The following VWC2L variants were observed in gnomAD, a reference collection of about 807,000 sequenced individuals.
VWC2L encodes von Willebrand factor C domain containing 2 like.
In VWC2L, 10 loss-of-function variants were observed where a neutral mutation model predicts 21.6. The observed-to-expected ratio is 0.46, with a 90% confidence interval of 0.29 to 0.78. The LOEUF (loss-of-function observed/expected upper bound fraction) is 0.78. Ranked by LOEUF, VWC2L falls within the 30% of genes least tolerant of loss-of-function variation. The probability of loss-of-function intolerance (pLI) is 0.10; values close to 1 mark genes in which losing one functional copy is unlikely to be tolerated. For synonymous variants in VWC2L, 96 were observed against 94.3 expected, an observed-to-expected ratio of 1.02 and a Z score of -0.10; for missense variants, 209 against 277.1, an observed-to-expected ratio of 0.75 and a Z score of 1.74.
chr2:214,414,589 C>T lies in VWC2L; in HGVS notation c.390+6C>T, dbSNP rs772972126. 64 of 1,609,080 alleles carry T rather than the reference C, an allele frequency of 4.0e-5. No homozygotes were observed. In the Admixed American group the frequency reaches 4.6e-4, roughly 12 times the overall value. On this transcript the variant is annotated splice_donor_region_variant and intron_variant, in intron 2 of 3. Transcript: ENST00000312504. ...AAATCTTGGAGGAATTTAAGGTATG[C>T]GTTACCCTCCATATTTATTGAAATA...
At chr2:214,513,922 G>A (rs1312532281) in intron 3 of VWC2L, among the ~76,000 whole-genome samples, 1 of 152,072 alleles carries the variant, frequency 6.6e-6, no homozygotes, top group Non-Finnish European at 1.5e-5. Flanking sequence ...CAGTGGCATG[G>A]CATCCTCAGT....
chr2:214,511,278 A>T (rs894214615), intron 3 of VWC2L, among the ~76,000 whole-genome samples: 2 of 152,164 alleles, frequency 1.3e-5, no homozygotes, highest in African/African-American at 2.4e-5. Context: ...AAAGAAAAAA[A>T]AATTGTTAAA....
chr2:214,428,183 G>A (rs184654878), intron 2 of VWC2L, among the ~76,000 whole-genome samples: 1 of 152,240 alleles, frequency 6.6e-6, no homozygotes, highest in African/African-American at 2.4e-5. Context: ...ATCCCACATC[G>A]TTTACATGTG....
At chr2:214,423,598 CAG>C (rs1172602343) in intron 2 of VWC2L, among the ~76,000 whole-genome samples, 3 of 152,088 alleles carry the variant, frequency 2.0e-5, no homozygotes, top group Non-Finnish European at 2.9e-5. Context: ...CATGACAACA[CAG>C]AGTTACAAGT....
chr2:214,472,704 C>T (rs1157775863), intron 3 of VWC2L, among the ~76,000 whole-genome samples: 1 of 152,180 alleles, frequency 6.6e-6, no homozygotes, highest in Non-Finnish European at 1.5e-5. Flanking sequence ...GATGAGATTG[C>T]CATTGGCACC....
chr2:214,508,488 T>C (rs1689002177), intron 3 of VWC2L, among the ~76,000 whole-genome samples: 1 of 152,228 alleles, frequency 6.6e-6, no homozygotes, highest in Non-Finnish European at 1.5e-5. Context: ...GCTCATAGGA[T>C]GATTCTAAAT....
chr2:214,561,267 C>T (rs902943543), intron 3 of VWC2L, among the ~76,000 whole-genome samples: 17 of 152,104 alleles, frequency 1.1e-4, no homozygotes, highest in Admixed American at 2.0e-4. Flanking sequence ...AAACTCCTAT[C>T]GTAAAGAGAT....
At chr2:214,454,275 T>C (rs2126185955) in intron 3 of VWC2L, among the ~76,000 whole-genome samples, 1 of 152,258 alleles carries the variant, frequency 6.6e-6, no homozygotes, top group Admixed American at 6.5e-5. Flanking sequence ...TTTAGTTTTT[T>C]ATCTTATTGT....
chr2:214,483,416 A>G (rs1453576453), intron 3 of VWC2L, among the ~76,000 whole-genome samples: 151 of 143,760 alleles, frequency 1.1e-3, no homozygotes, highest in African/African-American at 3.3e-3. Context: ...TGGCAAAAGC[A>G]AAAAAAAAAA....
At chr2:214,477,567 C>T (rs1026197650) in intron 3 of VWC2L, among the ~76,000 whole-genome samples, 11 of 152,204 alleles carry the variant, frequency 7.2e-5, no homozygotes, top group African/African-American at 2.7e-4. Context: ...TTTGGGAGTG[C>T]GTAGAGCACT....
intron 3 of VWC2L, among the ~76,000 whole-genome samples, chr2:214,542,067 A>G (rs891040699): frequency 8.5e-5 from 13 of 152,128 alleles, no homozygotes; most frequent in African/African-American, 3.1e-4. Flanking sequence ...TCCCTGAGTG[A>G]ATATAATGCT....
chr2:214,519,126 C>T (rs906029967), intron 3 of VWC2L, among the ~76,000 whole-genome samples: 7 of 152,070 alleles, frequency 4.6e-5, no homozygotes, highest in African/African-American at 1.2e-4. Context: ...ATAATCAGTG[C>T]GATTGAGGAA....
intron 3 of VWC2L, among the ~76,000 whole-genome samples, chr2:214,554,124 C>T: frequency 6.6e-6 from 1 of 152,066 alleles, no homozygotes; most frequent in South Asian, 2.1e-4. Context: ...TCCTTTTCAC[C>T]CCACAAGTCT....
intron 3 of VWC2L, among the ~76,000 whole-genome samples, chr2:214,499,188 T>G (rs1439206977): frequency 6.6e-6 from 1 of 151,566 alleles, no homozygotes; most frequent in Non-Finnish European, 1.5e-5. Context: ...CCAGCTAATT[T>G]TTGTATTTTT....
chr2:214,481,656 T>C (rs58947728), intron 3 of VWC2L, among the ~76,000 whole-genome samples: 2,842 of 152,306 alleles, frequency 0.019, 49 homozygotes, highest in African/African-American at 0.042. Context: ...CAAATAATAG[T>C]TTGACATCTG....
chr2:214,414,238 C>G lies in VWC2L; in HGVS notation c.45C>G (p.Ile15Met). ...IHEACILLLV[I>M]PGLVTSAAIS... ...AAGCTTGCATACTTCTGTTGGTCAT[C>G]CCTGGATTGGTCACCTCTGCTGCTA... Residue 15 changes from isoleucine (I) to methionine (M), a missense_variant, in exon 2 of 4, where the codon ATC (isoleucine) becomes ATG (methionine). By Grantham distance (10) the Ile-to-Met change is conservative (BLOSUM62 1). Transcript: ENST00000312504. 6.2e-7 allele frequency: 1 copy of G among 1,613,696 alleles called. No individual in the cohort carries two copies. The highest frequency in any genetic ancestry group is 8.5e-7 in the Non-Finnish European group (1 of 1,179,792).
At chr2:214,567,071 T>A (rs143042457) in intron 3 of VWC2L, among the ~76,000 whole-genome samples, 3 of 152,332 alleles carry the variant, frequency 2.0e-5, no homozygotes, top group Non-Finnish European at 2.9e-5. Flanking sequence ...CCTGCCTCAT[T>A]TATGCATCAG....
At chr2:214,429,367 T>C (rs2126175547) in intron 2 of VWC2L, among the ~76,000 whole-genome samples, 1 of 152,318 alleles carries the variant, frequency 6.6e-6, no homozygotes, top group African/African-American at 2.4e-5. Flanking sequence ...CGGCTGCTTT[T>C]CCTGAGTATT....
At chr2:214,418,149 C>G (rs1450377327) in intron 2 of VWC2L, among the ~76,000 whole-genome samples, 4 of 152,166 alleles carry the variant, frequency 2.6e-5, no homozygotes, top group Non-Finnish European at 5.9e-5. Flanking sequence ...CTCTGTCTGT[C>G]CTACCTCATA....
Sources: gnomAD v4.1 joint callset for allele counts (sites outside exome capture counted in the v4.1 genomes callset) on GRCh38, gnomAD v4.1.1 for gene constraint, MANE v1.5 for transcripts, NCBI Gene and HGNC (gene_info 2026-07-23, HGNC 2026-07-21) for gene names.